The following EYS variants were observed in gnomAD, a reference collection of about 807,000 sequenced individuals.
The protein encoded by EYS is protein eyes shut homolog.
Under a neutral mutation model 282.1 loss-of-function variants are expected in EYS, and 250 were observed. The ratio of observed to expected loss-of-function variants is 0.89; its 90% CI spans 0.80 to 0.98. EYS has a LOEUF of 0.98. EYS is among the 50% of genes least tolerant of loss of function. The probability of loss-of-function intolerance (pLI) is 0.00; values close to 1 mark genes in which losing one functional copy is unlikely to be tolerated. For synonymous variants in EYS, 1,355 were observed against 1,282.9 expected (o/e 1.06, Z -1.20); for missense variants, 4,016 against 3,709.0 (o/e 1.08, Z -2.15).
At position 63,746,330 on chromosome 6, in the gene EYS, A is replaced by G. The variant is rs561820762; in HGVS notation, c.8071+16131T>C. On this transcript the variant is annotated intron_variant, in intron 41 of 42. Coordinates refer to ENST00000503581, the MANE Select transcript of EYS (RefSeq NM_001142800.2). ...GTGCTGCCGGATTTAGTTTGCCAGT[A>G]TTTTATTGAGGATTTTTGCATCAAT... is the stretch of plus-strand genomic sequence containing the variant. Among the ~76,000 whole-genome samples the G allele has an allele frequency of 3.6e-3, 543 of 152,216 alleles. 3 individuals are homozygous for G. The highest frequency in any genetic ancestry group is 5.6e-3 in the Non-Finnish European group (383 of 68,012).
intron 31 of EYS, among the ~76,000 whole-genome samples, chr6:64,182,335 TTTA>T (rs1365321539): frequency 6.6e-6 from 1 of 152,100 alleles, no homozygotes; most frequent in African/African-American, 2.4e-5. Context: ...TGCCTTCCTT[TTTA>T]TTAAGAAAAG....
intron 41 of EYS, chr6:63,741,965 G>A (rs1562004700): frequency 1.4e-6 from 1 of 702,348 alleles, no homozygotes; most frequent in South Asian, 1.5e-5. Context: ...AGATCACAAT[G>A]AGGATAAGTG....
At chr6:65,290,709 C>G (rs1013758965) in intron 12 of EYS, among the ~76,000 whole-genome samples, 9 of 151,290 alleles carry the variant, frequency 5.9e-5, no homozygotes, top group Non-Finnish European at 8.9e-5. Context: ...TCTAAAAGAC[C>G]AAAATTGTTA....
intron 12 of EYS, among the ~76,000 whole-genome samples, chr6:65,278,311 AT>A (rs1257519910): frequency 1.0e-4 from 4 of 40,072 alleles, no homozygotes; most frequent in African/African-American, 1.9e-4. Flanking sequence ...ATTTATATAT[AT>A]TCTATAGAAA....
intron 5 of EYS, among the ~76,000 whole-genome samples, chr6:65,430,430 G>A (rs373790235): frequency 8.5e-5 from 13 of 152,214 alleles, no homozygotes; most frequent in East Asian, 5.8e-4. Flanking sequence ...CCAAAATGCC[G>A]GTCTCTGAGT....
chr6:64,001,719 A>G (rs900015919), intron 33 of EYS, among the ~76,000 whole-genome samples: 2 of 152,228 alleles, frequency 1.3e-5, no homozygotes, highest in African/African-American at 4.8e-5. Flanking sequence ...AATAATAGTA[A>G]CACAGAAAGA....
intron 28 of EYS, among the ~76,000 whole-genome samples, chr6:64,410,272 AAATCTGATTT>A (rs1180944584): frequency 2.6e-5 from 4 of 152,182 alleles, no homozygotes; most frequent in Non-Finnish European, 5.9e-5. Flanking sequence ...GTTAAAAATA[AAATCTGATTT>A]ATTATATTTT....
chr6:64,908,010 A>G (rs1430541381), intron 16 of EYS, among the ~76,000 whole-genome samples: 1 of 152,170 alleles, frequency 6.6e-6, no homozygotes, highest in Non-Finnish European at 1.5e-5. Flanking sequence ...TCTCTTATAA[A>G]TCATGCGAAA....
intron 13 of EYS, among the ~76,000 whole-genome samples, chr6:65,019,988 G>A (rs570910673): frequency 7.9e-5 from 12 of 152,110 alleles, no homozygotes; most frequent in Admixed American, 1.3e-4. Context: ...TCATGAGAAC[G>A]GCAAGAGAGT....
At chr6:64,701,886 A>C (rs2149924827) in intron 22 of EYS, among the ~76,000 whole-genome samples, 1 of 152,180 alleles carries the variant, frequency 6.6e-6, no homozygotes, top group East Asian at 1.9e-4. Flanking sequence ...AAAGAGCAGA[A>C]GTATATAATA....
chr6:64,298,320 A>G (rs539160028), intron 30 of EYS, among the ~76,000 whole-genome samples: 6 of 146,698 alleles, frequency 4.1e-5, no homozygotes, highest in African/African-American at 1.5e-4. Context: ...TAAATAATTT[A>G]AAAGACTAAT....
intron 30 of EYS, among the ~76,000 whole-genome samples, chr6:64,258,339 G>A (rs959578188): frequency 1.3e-5 from 2 of 152,032 alleles, no homozygotes; most frequent in East Asian, 3.9e-4. Context: ...AAGCTGGAGA[G>A]TGAACCCCCA....
chr6:65,120,460 C>CAAAAAAAAAAAAAAAAAAA lies in EYS; in HGVS notation c.2024-62752_2024-62734dup, dbSNP rs67505285. Among the ~76,000 whole-genome samples, 3 of 68,284 alleles carry CAAAAAAAAAAAAAAAAAAA rather than the reference C, an allele frequency of 4.4e-5. 1 individual carries two copies. The highest frequency in any genetic ancestry group is 1.8e-4 in the African/African-American group (3 of 16,730). The allele number at this position is 68,284 out of a possible 152,430, so 44.8% of individuals were successfully genotyped here. A position where few individuals can be genotyped will look rare whatever the true frequency, so the allele number is the denominator to read the frequency against. On this transcript the variant is annotated intron_variant, in intron 12 of 42. Coordinates refer to ENST00000503581, the MANE Select transcript of EYS (RefSeq NM_001142800.2). ...ACATTACTCTTTTTCTTTAAATAAG[C>CAAAAAAAAAAAAAAAAAAA]AAAAAAAAAAAAAAAAAAAAAAAAT...
At chr6:64,656,734 G>C (rs9363067) in intron 22 of EYS, among the ~76,000 whole-genome samples, 97,298 of 152,018 alleles carry the variant, frequency 0.64, 31,370 homozygotes, top group African/African-American at 0.71. Context: ...CTGCATCCTG[G>C]ATTGGGAGGA....
At chr6:65,337,647 T>C (rs1207502910) in intron 10 of EYS, among the ~76,000 whole-genome samples, 1 of 150,934 alleles carries the variant, frequency 6.6e-6, no homozygotes. Context: ...GTTACCAAAG[T>C]TAGAAAGTTG....
chr6:65,670,580 T>A (rs1455670700), intron 1 of EYS, among the ~76,000 whole-genome samples: 2 of 152,098 alleles, frequency 1.3e-5, no homozygotes, highest in East Asian at 3.9e-4. Context: ...CCAAACTCTA[T>A]TAATAGCTTA....
chr6:64,409,573 A>G (rs1773821249), intron 28 of EYS, among the ~76,000 whole-genome samples: 1 of 152,158 alleles, frequency 6.6e-6, no homozygotes, highest in East Asian at 1.9e-4. Flanking sequence ...CCACAAATAG[A>G]CCATGCCACT....
At chr6:65,119,315 T>G (rs765667056) in intron 12 of EYS, among the ~76,000 whole-genome samples, 2 of 152,188 alleles carry the variant, frequency 1.3e-5, no homozygotes, top group Non-Finnish European at 2.9e-5. Flanking sequence ...TAAACATGTG[T>G]AAGTTACTTC....
intron 33 of EYS, among the ~76,000 whole-genome samples, chr6:64,033,827 A>ACTCT (rs71708335): frequency 1.5e-4 from 23 of 148,650 alleles, no homozygotes; most frequent in Non-Finnish European, 2.8e-4. Context: ...AAATGAGATT[A>ACTCT]CTCTCTCTCT....
Sources: allele counts gnomAD v4.1 joint callset (sites outside exome capture counted in the v4.1 genomes callset), GRCh38; gene constraint gnomAD v4.1.1; transcripts MANE v1.5; gene names NCBI Gene and HGNC (gene_info 2026-07-23, HGNC 2026-07-21).